The following SPECC1 variants were observed in gnomAD, a reference collection of about 807,000 sequenced individuals.
SPECC1 encodes the protein sperm antigen with calponin homology and coiled-coil domains 1, also known as cytospin-B.
Under a neutral mutation model 104.1 loss-of-function variants are expected in SPECC1, and 62 were observed. The ratio of observed to expected loss-of-function variants is 0.60; its 90% CI spans 0.49 to 0.74. The LOEUF (loss-of-function observed/expected upper bound fraction) is 0.74, where lower values mean the gene tolerates loss of function less well. Among genes scored for constraint, SPECC1 ranks in the 30% least tolerant of loss-of-function variants. SPECC1 has a pLI of 0.00. For synonymous variants in SPECC1, 513 were observed against 501.6 expected (o/e 1.02, Z -0.30); for missense variants, 1,306 against 1,310.5 (o/e 1.00, Z 0.05).
intron 3 of SPECC1, among the ~76,000 whole-genome samples, chr17:20,152,075 T>A (rs530627933): frequency 1.3e-5 from 2 of 151,178 alleles, no homozygotes; most frequent in South Asian, 4.2e-4. Flanking sequence ...CAGAGGGAGG[T>A]GGATCACTTG....
chr17:20,155,249 A>G (rs2032357472), intron 3 of SPECC1: 2 of 152,312 alleles, frequency 1.3e-5, no homozygotes, highest in South Asian at 4.1e-4. Flanking sequence ...AACCAAGTGA[A>G]CACACTGTTT....
intron 3 of SPECC1, among the ~76,000 whole-genome samples, chr17:20,195,968 T>C (rs943219817): frequency 6.6e-6 from 1 of 152,152 alleles, no homozygotes; most frequent in African/African-American, 2.4e-5. Flanking sequence ...ACACACTGGC[T>C]ATTTTAATTT....
At chr17:20,230,424 A>G (rs1488943216) in intron 5 of SPECC1, among the ~76,000 whole-genome samples, 1 of 152,220 alleles carries the variant, frequency 6.6e-6, no homozygotes, top group Non-Finnish European at 1.5e-5. Flanking sequence ...TTCTCAGGAT[A>G]CAACTGAAAA....
At chr17:20,188,285 GT>G (rs760721024) in intron 3 of SPECC1, among the ~76,000 whole-genome samples, 6 of 149,830 alleles carry the variant, frequency 4.0e-5, no homozygotes, top group Non-Finnish European at 7.4e-5. Context: ...TTGGGACAGA[GT>G]CTCACTTTGT....
At position 20,185,678 on chromosome 17, in the gene SPECC1, G is replaced by A. The variant is rs191526981; in HGVS notation, c.284-18655G>A. Among the ~76,000 whole-genome samples, 220 of 152,314 alleles carry A rather than the reference G, an allele frequency of 1.4e-3. 1 individual carries two copies. Among genetic ancestry groups the A allele is most frequent in the African/African-American group, 5.2e-3 (215 of 41,566 alleles). On this transcript the variant is annotated intron_variant, in intron 3 of 14. Transcript: ENST00000395527. ...AATGTAAGGGTTAGTAAACAGCAGC[G>A]ACTCTGTGATGAAGGAATTCATTCA...
At chr17:20,238,561 G>T in intron 7 of SPECC1, 12 of 1,043,036 alleles carry the variant, frequency 1.2e-5, no homozygotes, top group South Asian at 4.6e-5. Context: ...ATCTTTTGGG[G>T]TGTCAAACTG....
At chr17:20,143,685 A>C (rs936352359) in intron 3 of SPECC1, among the ~76,000 whole-genome samples, 5 of 152,110 alleles carry the variant, frequency 3.3e-5, no homozygotes, top group African/African-American at 1.2e-4. Flanking sequence ...AAAACAAAAA[A>C]ACAACCAGTG....
chr17:20,198,945 C>T (rs921959429), intron 3 of SPECC1, among the ~76,000 whole-genome samples: 8 of 152,112 alleles, frequency 5.3e-5, no homozygotes, highest in Non-Finnish European at 1.0e-4. Flanking sequence ...TATTCTACCT[C>T]TGTGATTGAT....
intron 12 of SPECC1, among the ~76,000 whole-genome samples, chr17:20,287,423 CAAAAAAAAAA>C (rs61713120): frequency 4.1e-5 from 4 of 98,044 alleles, no homozygotes; most frequent in Non-Finnish European, 8.1e-5. Context: ...GACTCCGTCT[CAAAAAAAAAA>C]AAAAAAAAAA....
chr17:20,251,224 C>CAAAAAAAAAAAAAGAAAAAAAAA (rs2039617821), intron 9 of SPECC1, among the ~76,000 whole-genome samples: 1 of 51,044 alleles, frequency 2.0e-5, no homozygotes, highest in Non-Finnish European at 3.4e-5. Context: ...GACTCTATCT[C>CAAAAAAAAAAAAAGAAAAAAAAA]AAAAAAAAAA....
At position 20,062,272 on chromosome 17, in the gene SPECC1, A is replaced by T. The variant is rs1028215973; in HGVS notation, c.-21-34359A>T. Among the ~76,000 whole-genome samples, 1,005 of 150,612 alleles carry T rather than the reference A, an allele frequency of 6.7e-3. 13 individuals carry two copies. The highest frequency in any genetic ancestry group is 0.023 in the African/African-American group (942 of 41,208). ...TGTCGTCAAAAAAAAAAAAAAAAAAATTTTGTTCTCCAGTCTAAACATACC... is the reference window on the plus strand; with the variant it reads ...TGTCGTCAAAAAAAAAAAAAAAAAATTTTTGTTCTCCAGTCTAAACATACC... On this transcript the variant is annotated intron_variant, in intron 1 of 14. Coordinates refer to ENST00000395527, the MANE Select transcript of SPECC1 (RefSeq NM_001243439.2).
intron 2 of SPECC1, among the ~76,000 whole-genome samples, chr17:20,099,694 CAA>C (rs768172798): frequency 1.1e-3 from 20 of 17,426 alleles, no homozygotes; most frequent in South Asian, 3.0e-3. Context: ...CACTCTATCT[CAA>C]AAAAAAAAAA....
At chr17:20,243,650 C>T (rs2039299166) in intron 7 of SPECC1, among the ~76,000 whole-genome samples, 1 of 152,120 alleles carries the variant, frequency 6.6e-6, no homozygotes, top group Non-Finnish European at 1.5e-5. Flanking sequence ...CTCATACTGA[C>T]TCTTATTGTT....
At chr17:20,047,292 C>T (rs1163337628) in intron 1 of SPECC1, among the ~76,000 whole-genome samples, 2 of 152,178 alleles carry the variant, frequency 1.3e-5, no homozygotes, top group East Asian at 3.9e-4. Context: ...CAGTAGGCAG[C>T]ATTCTTTTGT....
chr17:20,116,908 A>G lies in SPECC1; in HGVS notation c.283+6346A>G, dbSNP rs376794363. Reference sequence around the variant, plus strand: ...AGATACTAAACATCCTAGGATGCGCAGGACCGTCCCTGCAGTGGAGAGTGT... The same window carrying G: ...AGATACTAAACATCCTAGGATGCGCGGGACCGTCCCTGCAGTGGAGAGTGT... On this transcript the variant is annotated intron_variant, in intron 3 of 14. Transcript: ENST00000395527. 1.4e-4 allele frequency among the ~76,000 whole-genome samples: 20 copies of G among 144,246 alleles called. No homozygotes were observed. The South Asian group carries it at 4.0e-3, about 29-fold the overall frequency. 94.6% of individuals were successfully genotyped at this position (144,246 alleles called of 152,430 possible).
intron 3 of SPECC1, among the ~76,000 whole-genome samples, chr17:20,116,978 C>T (rs1253195923): frequency 6.6e-6 from 1 of 151,866 alleles, no homozygotes; most frequent in African/African-American, 2.4e-5. Context: ...AAATCCTGAC[C>T]TAGCAGAATA....
At chr17:20,020,566 T>TTG (rs2044333786) in intron 1 of SPECC1, among the ~76,000 whole-genome samples, 2 of 152,248 alleles carry the variant, frequency 1.3e-5, no homozygotes, top group Admixed American at 1.3e-4. Flanking sequence ...ACTCCTAATC[T>TTG]TGTGATCCGC....
At chr17:20,238,115 C>T (rs1007275273) in intron 7 of SPECC1, 3 of 1,028,582 alleles carry the variant, frequency 2.9e-6, no homozygotes, top group Non-Finnish European at 3.5e-6. Flanking sequence ...CAAGGTGCCT[C>T]CAAGCTTTGG....
chr17:20,062,977 C>G (rs1223728259), intron 1 of SPECC1, among the ~76,000 whole-genome samples: 1 of 152,064 alleles, frequency 6.6e-6, no homozygotes, highest in African/African-American at 2.4e-5. Context: ...CATAAGCCAC[C>G]GTGCCCAGCC....
Sources: gnomAD v4.1 joint callset for allele counts (sites outside exome capture counted in the v4.1 genomes callset) on GRCh38, gnomAD v4.1.1 for gene constraint, MANE v1.5 for transcripts, NCBI Gene and HGNC (gene_info 2026-07-23, HGNC 2026-07-21) for gene names.